OLA1: variants seen among roughly 807,000 people sequenced by gnomAD.
OLA1 encodes the protein Obg like ATPase 1, also known as obg-like ATPase 1.
In OLA1, 14 loss-of-function variants were observed where a neutral mutation model predicts 48.4. The observed-to-expected ratio is 0.29, with a 90% CI of 0.19 to 0.45. The LOEUF (loss-of-function observed/expected upper bound fraction) is 0.45, where lower values mean the gene tolerates loss of function less well. OLA1 is among the 20% of genes least tolerant of loss of function. OLA1 has a pLI of 1.00. For synonymous variants in OLA1, 127 were observed against 150.4 expected, an observed-to-expected ratio of 0.84 and a Z score of 1.14; for missense variants, 325 against 467.1, an observed-to-expected ratio of 0.70 and a Z score of 2.80.
At chr2:174,204,702 A>C (rs1345761115) in intron 4 of OLA1, among the ~76,000 whole-genome samples, 1 of 151,146 alleles carries the variant, frequency 6.6e-6, no homozygotes, top group African/African-American at 2.4e-5. Flanking sequence ...TAATAAAGCT[A>C]TTCCAAAACA....
intron 7 of OLA1, among the ~76,000 whole-genome samples, chr2:174,095,325 G>GT (rs1205716344): frequency 0.13 from 10,035 of 77,664 alleles, 695 homozygotes; most frequent in Non-Finnish European, 0.17. Context: ...GTTATTTCCT[G>GT]TTTTTTTTTT....
rs146545845 is a variant in OLA1 at position 174,140,514 on chromosome 2, T to C, written c.549+1311A>G. ...TCCTCAGTAGGTGAGATTACAGGCG[T>C]GCACCACCACGCCTGGCTAATTTTT... On this transcript the variant is annotated intron_variant, in intron 5 of 10. Transcript: ENST00000284719. Among the ~76,000 whole-genome samples, 1,209 of 151,952 alleles carry C rather than the reference T, an allele frequency of 8.0e-3. 17 individuals carry two copies. Among genetic ancestry groups the C allele is most frequent in the African/African-American group, 0.027 (1,138 of 41,448 alleles).
intron 7 of OLA1, among the ~76,000 whole-genome samples, chr2:174,085,647 C>G (rs1558946281): frequency 6.6e-6 from 1 of 152,164 alleles, no homozygotes; most frequent in Non-Finnish European, 1.5e-5. Flanking sequence ...CTCAAATTTA[C>G]TTTTAGCCTT....
At chr2:174,185,904 A>T (rs1651586488) in intron 4 of OLA1, among the ~76,000 whole-genome samples, 1 of 152,084 alleles carries the variant, frequency 6.6e-6, no homozygotes, top group Admixed American at 6.6e-5. Context: ...TCCAGCCTAG[A>T]TGACAAAGCA....
intron 7 of OLA1, among the ~76,000 whole-genome samples, chr2:174,122,802 G>C (rs542242747): frequency 1.6e-4 from 24 of 150,680 alleles, no homozygotes; most frequent in Non-Finnish European, 2.2e-4. Context: ...TACAACCCCA[G>C]GTGGGTATTT....
intron 5 of OLA1, among the ~76,000 whole-genome samples, chr2:174,135,160 C>CAAA (rs71405180): frequency 0.28 from 23,955 of 85,572 alleles, 3,667 homozygotes; most frequent in East Asian, 0.88. Flanking sequence ...ACTCCGCCTC[C>CAAA]AAAAAAAAAA....
At chr2:174,186,592 C>G (rs1002813495) in intron 4 of OLA1, among the ~76,000 whole-genome samples, 1 of 152,126 alleles carries the variant, frequency 6.6e-6, no homozygotes, top group Non-Finnish European at 1.5e-5. Context: ...TAAAATGGCA[C>G]GTGTTGTACA....
chr2:174,210,535 T>C (rs528447175), intron 4 of OLA1, among the ~76,000 whole-genome samples: 180 of 152,280 alleles, frequency 1.2e-3, no homozygotes, highest in Middle Eastern at 6.8e-3. Context: ...TGTCTACTCA[T>C]AAGGTATAAG....
chr2:174,170,428 TAG>T (rs899851082), intron 4 of OLA1, among the ~76,000 whole-genome samples: 4 of 151,986 alleles, frequency 2.6e-5, no homozygotes, highest in African/African-American at 9.7e-5. Context: ...CAAAAAAATG[TAG>T]AGAGACAGAG....
chr2:174,081,285 G>A, intron 8 of OLA1, 37 bp from the exon 9 acceptor site: 2 of 1,511,718 alleles, frequency 1.3e-6, no homozygotes, highest in Non-Finnish European at 1.8e-6. Flanking sequence ...CAACACATAA[G>A]TTGATTGTGC....
chr2:174,129,586 T>C (rs1216428910), intron 5 of OLA1, among the ~76,000 whole-genome samples: 2 of 151,732 alleles, frequency 1.3e-5, no homozygotes, highest in Non-Finnish European at 2.9e-5. Flanking sequence ...ACTCAAATAA[T>C]GAAACTGGTT....
At chr2:174,126,774 T>A (rs1686053901) in intron 5 of OLA1, among the ~76,000 whole-genome samples, 1 of 152,220 alleles carries the variant, frequency 6.6e-6, no homozygotes. Flanking sequence ...TTGTTATGAT[T>A]GCTGAAAGAT....
chr2:174,127,141 T>C lies in OLA1; in HGVS notation c.550-3466A>G, dbSNP rs182003316. On this transcript the variant is annotated intron_variant, in intron 5 of 10. Transcript: ENST00000284719. ...TTGTTATTGTTAACAGCAACTGTAA[T>C]GTATTTAGACTCACAGCTTCATGTG... 2.4e-3 allele frequency among the ~76,000 whole-genome samples: 365 copies of C among 151,878 alleles called. 3 individuals carry two copies. Among genetic ancestry groups the C allele is most frequent in the South Asian group, 7.0e-3 (34 of 4,830 alleles).
intron 4 of OLA1, among the ~76,000 whole-genome samples, chr2:174,182,823 T>C (rs1387139515): frequency 6.6e-6 from 1 of 152,210 alleles, no homozygotes; most frequent in Non-Finnish European, 1.5e-5. Context: ...CCATGCAATA[T>C]GCAAGATGTT....
At chr2:174,179,425 T>C (rs1382646431) in intron 4 of OLA1, among the ~76,000 whole-genome samples, 1 of 151,968 alleles carries the variant, frequency 6.6e-6, no homozygotes, top group Non-Finnish European at 1.5e-5. Context: ...ATATATATAT[T>C]TGTTAGACTA....
At chr2:174,230,194 AAAG>A (rs1389891123) in intron 2 of OLA1, among the ~76,000 whole-genome samples, 2 of 152,120 alleles carry the variant, frequency 1.3e-5, no homozygotes, top group Non-Finnish European at 2.9e-5. Flanking sequence ...AAAAATGAAA[AAAG>A]AAATAAAATT....
At chr2:174,163,716 ATATATATATATATATATATATATATATAT>A (rs1558984426) in intron 4 of OLA1, among the ~76,000 whole-genome samples, 384 of 17,984 alleles carry the variant, frequency 0.021, 25 homozygotes, top group Middle Eastern at 0.11. Flanking sequence ...AAATAAATAT[ATATATATATATATATATATATATATATAT>A]ATATATATAT....
chr2:174,214,760 T>G (rs1382653026), intron 4 of OLA1, among the ~76,000 whole-genome samples: 1 of 152,138 alleles, frequency 6.6e-6, no homozygotes, highest in African/African-American at 2.4e-5. Context: ...TTAAGCATTT[T>G]AAAAAGGGGC....
intron 4 of OLA1, among the ~76,000 whole-genome samples, chr2:174,148,965 G>C (rs939364593): frequency 6.6e-6 from 1 of 152,122 alleles, no homozygotes; most frequent in East Asian, 1.9e-4. Flanking sequence ...ATTTAAGCAT[G>C]CTTAAGATTC....
Sources: allele counts gnomAD v4.1 joint callset (sites outside exome capture counted in the v4.1 genomes callset), GRCh38; gene constraint gnomAD v4.1.1; transcripts MANE v1.5; gene names NCBI Gene and HGNC (gene_info 2026-07-23, HGNC 2026-07-21).